NTM: variants seen among roughly 807,000 people sequenced by gnomAD.
NTM encodes IgLON family member 2.
A neutral mutation model predicts 42.1 loss-of-function variants in NTM; 13 were observed. The ratio of observed to expected loss-of-function variants is 0.31; its 90% CI spans 0.20 to 0.49. The LOEUF is 0.49. NTM is among the 20% of genes least tolerant of loss of function. The pLI, the probability that NTM is intolerant of heterozygous loss-of-function variation, is 0.99. For synonymous variants in NTM, 187 were observed against 179.2 expected, an observed-to-expected ratio of 1.04 and a Z score of -0.35; for missense variants, 373 against 452.8, an observed-to-expected ratio of 0.82 and a Z score of 1.60.
At chr11:131,776,240 C>T (rs529601846) in intron 1 of NTM, among the ~76,000 whole-genome samples, 2 of 152,320 alleles carry the variant, frequency 1.3e-5, no homozygotes, top group South Asian at 2.1e-4. Context: ...TTCACATTGT[C>T]CTCCAGAATC....
intron 1 of NTM, among the ~76,000 whole-genome samples, chr11:131,702,647 A>G (rs1456911204): frequency 6.6e-6 from 1 of 152,194 alleles, no homozygotes; most frequent in Non-Finnish European, 1.5e-5. Context: ...ATTAAATACT[A>G]TTGAGATACC....
At chr11:131,911,005 CT>C in intron 1 of NTM, 1 of 1,003,490 alleles carries the variant, frequency 1.0e-6, no homozygotes, top group Non-Finnish European at 1.2e-6. Flanking sequence ...GGCTCCGAAA[CT>C]TACAAAGTGT....
intron 1 of NTM, among the ~76,000 whole-genome samples, chr11:131,674,999 C>T (rs1269419073): frequency 6.6e-6 from 1 of 152,194 alleles, no homozygotes; most frequent in Non-Finnish European, 1.5e-5. Context: ...GCATTCATCC[C>T]ACCATATTTG....
intron 1 of NTM, among the ~76,000 whole-genome samples, chr11:131,774,316 T>C (rs547861823): frequency 9.8e-5 from 15 of 152,340 alleles, no homozygotes; most frequent in South Asian, 6.2e-4. Context: ...GCTCCTCATG[T>C]CTGTCTTCCC....
chr11:131,453,137 G>C (rs1362413565), intron 1 of NTM, among the ~76,000 whole-genome samples: 1 of 152,118 alleles, frequency 6.6e-6, no homozygotes, highest in African/African-American at 2.4e-5. Context: ...GTCATCTCAG[G>C]ACCAATGGTT....
At chr11:131,687,805 G>GCTC (rs984234896) in intron 1 of NTM, among the ~76,000 whole-genome samples, 6 of 152,094 alleles carry the variant, frequency 3.9e-5, no homozygotes, top group Admixed American at 3.9e-4. Flanking sequence ...AAGTCCCGCT[G>GCTC]CTCCTCCCTG....
At chr11:131,729,083 A>G (rs2079308448) in intron 1 of NTM, among the ~76,000 whole-genome samples, 1 of 152,218 alleles carries the variant, frequency 6.6e-6, no homozygotes, top group African/African-American at 2.4e-5. Flanking sequence ...TTGAAATCTA[A>G]AATGTCCAGG....
rs1592772149 is a variant in NTM at position 131,911,386 on chromosome 11, C to T, written c.83-178C>T. The T allele has an allele frequency of 5.7e-6, 9 of 1,580,556 alleles. No homozygotes were observed. The South Asian group carries it at 8.1e-5, about 14-fold the overall frequency. On this transcript the variant is annotated intron_variant, in intron 1 of 8. Coordinates refer to ENST00000683400, the MANE Select transcript of NTM (RefSeq NM_001352005.2). ...GTCGCCGCGGGTTCACCGCTCAGTC[C>T]CCGCGCTCGCTCCGCACCCCACCCA...
intron 2 of NTM, among the ~76,000 whole-genome samples, chr11:132,056,343 A>G (rs2079652623): frequency 6.6e-6 from 1 of 152,170 alleles, no homozygotes; most frequent in African/African-American, 2.4e-5. Context: ...CCAAAATAGC[A>G]GCTCCACTTG....
At chr11:131,674,105 A>T (rs577274547) in intron 1 of NTM, among the ~76,000 whole-genome samples, 9 of 152,348 alleles carry the variant, frequency 5.9e-5, no homozygotes, top group African/African-American at 2.2e-4. Context: ...GTGAGCAGGT[A>T]GGCAGGAGGA....
intron 2 of NTM, among the ~76,000 whole-genome samples, chr11:131,975,104 A>G (rs1395201980): frequency 1.3e-5 from 2 of 152,198 alleles, no homozygotes; most frequent in African/African-American, 2.4e-5. Context: ...GTACAGTAAT[A>G]TAACTGCCTA....
At chr11:131,594,893 A>G (rs2059682547) in intron 1 of NTM, among the ~76,000 whole-genome samples, 2 of 152,172 alleles carry the variant, frequency 1.3e-5, no homozygotes. Context: ...TCTTCCTCAC[A>G]TCCCTACTCA....
chr11:131,411,337 G>A (rs1375690762), intron 1 of NTM, among the ~76,000 whole-genome samples: 1 of 152,144 alleles, frequency 6.6e-6, no homozygotes, highest in Non-Finnish European at 1.5e-5. Flanking sequence ...CTAGCACAAT[G>A]CCTGGTTCCT....
At chr11:131,813,095 A>C (rs1203961126) in intron 1 of NTM, among the ~76,000 whole-genome samples, 1 of 152,196 alleles carries the variant, frequency 6.6e-6, no homozygotes, top group Non-Finnish European at 1.5e-5. Flanking sequence ...AGTTATGTTG[A>C]CAATCACAAA....
intron 1 of NTM, among the ~76,000 whole-genome samples, chr11:131,440,966 C>G (rs1208350099): frequency 2.0e-5 from 3 of 150,652 alleles, no homozygotes; most frequent in African/African-American, 7.3e-5. Flanking sequence ...AGTTACCATT[C>G]ATTCATCTGC....
At chr11:132,051,208 A>G (rs1366408337) in intron 2 of NTM, among the ~76,000 whole-genome samples, 1 of 152,174 alleles carries the variant, frequency 6.6e-6, no homozygotes, top group Non-Finnish European at 1.5e-5. Flanking sequence ...ACATATGACG[A>G]TGATTTTTTT....
At chr11:132,312,921 AG>A (rs1201056262) in intron 6 of NTM, 4 of 152,348 alleles carry the variant, frequency 2.6e-5, no homozygotes, top group Non-Finnish European at 4.4e-5. Flanking sequence ...CCGTGGACTC[AG>A]GCCAGTTCAT....
At chr11:131,616,608 A>G (rs1319526837) in intron 1 of NTM, among the ~76,000 whole-genome samples, 1 of 151,898 alleles carries the variant, frequency 6.6e-6, no homozygotes, top group East Asian at 1.9e-4. Flanking sequence ...CAGGGGACAT[A>G]CCTCCTGTTT....
chr11:131,535,252 A>G (rs1591970309), intron 1 of NTM: 1 of 152,328 alleles, frequency 6.6e-6, no homozygotes, highest in Non-Finnish European at 1.5e-5. Context: ...CAGGGGAACA[A>G]GGCACTATCT....
Sources: gnomAD v4.1 joint callset for allele counts (sites outside exome capture counted in the v4.1 genomes callset) on GRCh38, gnomAD v4.1.1 for gene constraint, MANE v1.5 for transcripts, NCBI Gene and HGNC (gene_info 2026-07-23, HGNC 2026-07-21) for gene names.